Variants in GPC5 observed in about 807,000 individuals in gnomAD.
GPC5 encodes the protein glypican-5.
Under a neutral mutation model 53.9 loss-of-function variants are expected in GPC5, and 47 were observed. The observed-to-expected ratio is 0.87, with a 90% CI of 0.69 to 1.11. The LOEUF is 1.11. Among genes scored for constraint, GPC5 ranks in the 50% most tolerant of loss-of-function variants. The pLI is 0.00. For synonymous variants in GPC5, 286 were observed against 263.3 expected, an observed-to-expected ratio of 1.09 and a Z score of -0.84; for missense variants, 748 against 713.1, an observed-to-expected ratio of 1.05 and a Z score of -0.56.
intron 7 of GPC5, among the ~76,000 whole-genome samples, chr13:92,190,666 A>G (rs2042216845): frequency 6.6e-6 from 1 of 152,164 alleles, no homozygotes; most frequent in Non-Finnish European, 1.5e-5. Flanking sequence ...GGATTCATTT[A>G]AAATGTATAT....
chr13:91,440,542 A>T (rs1478661478), intron 1 of GPC5, among the ~76,000 whole-genome samples: 1 of 152,176 alleles, frequency 6.6e-6, no homozygotes, highest in Admixed American at 6.5e-5. Flanking sequence ...TGTAATAGCT[A>T]CTTTGAAGCC....
In GPC5 at chr13:91,693,230, T is replaced by C; in HGVS notation, c.369T>C (p.Ser123=). The C allele has an allele frequency of 6.2e-7, 1 of 1,614,026 alleles. No homozygotes were observed. The highest frequency in any genetic ancestry group is 8.5e-7 in the Non-Finnish European group (1 of 1,179,988). Residue 123 remains serine (S), a synonymous_variant, in exon 3 of 8, where the codon AGT becomes AGC. Transcript: ENST00000377067. ...TCAAACAAGCAGAAAATTACACCAG[T>C]ATACTTTTTTGCAGTACCTACAGGA... is the stretch of plus-strand genomic sequence containing the variant. ...TLIKQAENYT[S]ILFCSTYRNM... is the part of the protein sequence containing the mutation.
chr13:91,493,638 G>A (rs1209958391), intron 2 of GPC5, among the ~76,000 whole-genome samples: 1 of 151,952 alleles, frequency 6.6e-6, no homozygotes, highest in Non-Finnish European at 1.5e-5. Flanking sequence ...TCGCAAGGGG[G>A]CCCTCGAGGC....
At chr13:92,761,145 GC>G (rs2138737106) in intron 7 of GPC5, among the ~76,000 whole-genome samples, 1 of 152,216 alleles carries the variant, frequency 6.6e-6, no homozygotes, top group East Asian at 1.9e-4. Flanking sequence ...TATGTGTTAA[GC>G]CTATTTCTCC....
intron 6 of GPC5, among the ~76,000 whole-genome samples, chr13:92,137,268 G>A (rs1346732841): frequency 1.3e-5 from 2 of 152,226 alleles, no homozygotes; most frequent in Non-Finnish European, 2.9e-5. Flanking sequence ...ATTCAAAATT[G>A]TGTCTTTTCC....
intron 5 of GPC5, among the ~76,000 whole-genome samples, chr13:91,884,370 C>T (rs1365351515): frequency 1.3e-5 from 2 of 152,152 alleles, no homozygotes; most frequent in African/African-American, 4.8e-5. Flanking sequence ...CAATGGTATA[C>T]TGGATAAAGA....
At chr13:92,635,094 C>G (rs112529719) in intron 7 of GPC5, among the ~76,000 whole-genome samples, 3 of 151,848 alleles carry the variant, frequency 2.0e-5, no homozygotes, top group African/African-American at 4.8e-5. Flanking sequence ...TTATTTTATT[C>G]ACAGATAAAC....
At chr13:92,466,094 A>T (rs140390142) in intron 7 of GPC5, among the ~76,000 whole-genome samples, 95 of 152,170 alleles carry the variant, frequency 6.2e-4, no homozygotes, top group South Asian at 5.8e-3. Context: ...GAGGTGACAG[A>T]TATGTTAATT....
At chr13:91,705,852 T>C (rs1392456612) in intron 3 of GPC5, among the ~76,000 whole-genome samples, 16 of 151,734 alleles carry the variant, frequency 1.1e-4, no homozygotes, top group Non-Finnish European at 2.1e-4. Flanking sequence ...TCTAGTTACA[T>C]GTAACTTTTT....
chr13:91,771,341 T>C (rs983012884), intron 5 of GPC5, among the ~76,000 whole-genome samples: 4 of 152,194 alleles, frequency 2.6e-5, no homozygotes, highest in Non-Finnish European at 4.4e-5. Context: ...GAAAAAGGTA[T>C]TTCAACATCC....
chr13:91,743,932 A>T (rs568743373), intron 4 of GPC5, among the ~76,000 whole-genome samples: 1 of 152,252 alleles, frequency 6.6e-6, no homozygotes, highest in South Asian at 2.1e-4. Flanking sequence ...CCTTCTCAGA[A>T]ATGTGATTCA....
At chr13:91,743,006 A>T (rs2036969310) in intron 4 of GPC5, among the ~76,000 whole-genome samples, 2 of 152,200 alleles carry the variant, frequency 1.3e-5, no homozygotes, top group Non-Finnish European at 2.9e-5. Flanking sequence ...AAGAGCTAGA[A>T]GCTTTTAGTA....
At chr13:92,175,985 T>A (rs1191504079) in intron 7 of GPC5, among the ~76,000 whole-genome samples, 1 of 152,206 alleles carries the variant, frequency 6.6e-6, no homozygotes, top group African/African-American at 2.4e-5. Flanking sequence ...TTTGTTTCCA[T>A]TTATCTATAT....
intron 6 of GPC5, among the ~76,000 whole-genome samples, chr13:91,975,068 T>C (rs947361866): frequency 2.6e-5 from 4 of 152,180 alleles, no homozygotes; most frequent in South Asian, 2.1e-4. Context: ...GCTAGACATA[T>C]GTAGAAAGAT....
At chr13:91,587,686 T>C (rs1454852137) in intron 2 of GPC5, among the ~76,000 whole-genome samples, 2 of 152,170 alleles carry the variant, frequency 1.3e-5, no homozygotes, top group African/African-American at 4.8e-5. Flanking sequence ...ATCATTTTAT[T>C]ATGTTTTACT....
At chr13:92,298,659 A>T (rs2043054960) in intron 7 of GPC5, among the ~76,000 whole-genome samples, 1 of 152,058 alleles carries the variant, frequency 6.6e-6, no homozygotes, top group Non-Finnish European at 1.5e-5. Flanking sequence ...CAGTTTGGGT[A>T]CTCACAGTAT....
intron 7 of GPC5, among the ~76,000 whole-genome samples, chr13:92,501,700 G>A (rs1025266935): frequency 3.3e-5 from 5 of 151,996 alleles, no homozygotes; most frequent in Non-Finnish European, 7.4e-5. Context: ...AGAGAAAACT[G>A]TTTAAATGTT....
At chr13:92,158,825 G>T (rs901295342) in intron 7 of GPC5, among the ~76,000 whole-genome samples, 13 of 152,116 alleles carry the variant, frequency 8.5e-5, no homozygotes, top group African/African-American at 3.1e-4. Flanking sequence ...AGGCAGAGCG[G>T]TCCTCTAAGG....
chr13:92,786,558 G>A (rs1268750770), intron 7 of GPC5, among the ~76,000 whole-genome samples: 6 of 152,046 alleles, frequency 3.9e-5, no homozygotes, highest in East Asian at 3.9e-4. Flanking sequence ...TAACACTGGC[G>A]ATACTAGAAA....
Sources: allele counts gnomAD v4.1 joint callset (sites outside exome capture counted in the v4.1 genomes callset), GRCh38; gene constraint gnomAD v4.1.1; transcripts MANE v1.5; gene names NCBI Gene and HGNC (gene_info 2026-07-23, HGNC 2026-07-21).